The following PADI1 variants were observed in gnomAD, a reference collection of about 807,000 sequenced individuals.
PADI1 encodes the protein protein-arginine deiminase type-1.
A neutral mutation model predicts 74.8 loss-of-function variants in PADI1; 65 were observed. The ratio of observed to expected loss-of-function variants is 0.87; its 90% CI spans 0.71 to 1.07. PADI1 has a LOEUF of 1.07. Ranked by LOEUF, PADI1 falls within the 50% of genes least tolerant of loss-of-function variation. The probability of loss-of-function intolerance (pLI) is 0.00; values close to 1 mark genes in which losing one functional copy is unlikely to be tolerated. For missense variants in PADI1, 943 were observed against 854.0 expected (o/e 1.10, Z -1.30); for synonymous variants, 371 against 336.2 (o/e 1.10, Z -1.13).
rs748411451 is a variant in PADI1, at chr1:17,226,158, G to C, written c.652G>C (p.Gly218Arg). ...AAGAGTGAGGGTCTTCTGTGCCAGG[G>C]GTGAGTGGCCTGATGGGGCCTTTTC... ...SKRVRVFCAR[G>R]GNSLSDYKQV... Residue 218 changes from glycine (G) to arginine (R), a missense_variant and splice_region_variant, in exon 6 of 16, where the codon GGT (glycine) becomes CGT (arginine). Coordinates refer to ENST00000375471, the MANE Select transcript of PADI1 (RefSeq NM_013358.3). The C allele has an allele frequency of 2.5e-6, 4 of 1,614,056 alleles. No homozygotes were observed. The highest frequency in any genetic ancestry group is 1.3e-5 in the African/African-American group (1 of 75,032).
At chr1:17,206,683 CTTTTTTTTTTTT>C (rs796276122) in intron 1 of PADI1, among the ~76,000 whole-genome samples, 1 of 109,764 alleles carries the variant, frequency 9.1e-6, no homozygotes, top group Non-Finnish European at 1.9e-5. Flanking sequence ...TTTTCTTTTT[CTTTTTTTTTTTT>C]TTTTTTTTTG....
intron 11 of PADI1, among the ~76,000 whole-genome samples, chr1:17,236,187 A>G (rs756251111): frequency 4.3e-4 from 65 of 152,204 alleles, no homozygotes; most frequent in Non-Finnish European, 1.9e-4. Context: ...ACATTCCAGC[A>G]GAGAGAAACA....
In PADI1 at chr1:17,230,688, C is replaced by T. The variant is rs112540601; in HGVS notation, c.1161+9C>T. 7.2e-6 allele frequency: 11 copies of T among 1,522,752 alleles called. No individual in the cohort carries two copies. Among genetic ancestry groups the T allele is most frequent in the African/African-American group, 6.8e-5 (5 of 73,190 alleles). The allele number at this position is 1,522,752 out of a possible 1,614,324, so 94.3% of individuals were successfully genotyped here. A position where few individuals can be genotyped will look rare whatever the true frequency, so the allele number is the denominator to read the frequency against. ...CCTATAAGAGGATCCTGGTACGTAG[C>T]GACAGGTAGAGTGCAGAAACCCTGG... On this transcript the variant is annotated intron_variant, in intron 10 of 15. Transcript: ENST00000375471.
chr1:17,225,899 T>A lies in PADI1; in HGVS notation c.497T>A (p.Leu166His). 1 of 1,613,924 alleles carries A rather than the reference T, an allele frequency of 6.2e-7. No individual in the cohort carries two copies. The highest frequency in any genetic ancestry group is 8.5e-7 in the Non-Finnish European group (1 of 1,179,886). ...AATCACAGGTCCGCAGAGCCTGACC[T>A]CACCCACAGCTGGCTGATGTCGCTG... ...RDNHRSAEPD[L>H]THSWLMSLAD... The change falls in exon 5 of 16, where the codon CTC becomes CAC. Residue 166 changes from leucine (L) to histidine (H), a missense_variant. Leu to His is a moderately conservative substitution (Grantham distance 99, BLOSUM62 -3). Coordinates refer to ENST00000375471, the MANE Select transcript of PADI1 (RefSeq NM_013358.3).
At chr1:17,238,871 G>A (rs966487829) in intron 13 of PADI1, among the ~76,000 whole-genome samples, 162 bp downstream of exon 13, 17 of 152,120 alleles carry the variant, frequency 1.1e-4, no homozygotes, top group African/African-American at 3.9e-4. Context: ...GGGAGTTCCT[G>A]GGCCACACCC....
chr1:17,206,414 C>G (rs74058963), intron 1 of PADI1, among the ~76,000 whole-genome samples: 10,545 of 152,078 alleles, frequency 0.069, 1,166 homozygotes, highest in African/African-American at 0.23. Context: ...AAACCAGGAG[C>G]CATGGAAACC....
chr1:17,210,144 TTTTTATTTTATTTTA>T (rs749851324), intron 1 of PADI1, among the ~76,000 whole-genome samples: 1 of 151,990 alleles, frequency 6.6e-6, no homozygotes, highest in Non-Finnish European at 1.5e-5. Flanking sequence ...CCTGCCTAAG[TTTTTATTTTATTTTA>T]TTTTATTTTA....
Position 17,230,104 on chromosome 1 carries a change from T to C in PADI1, c.949T>C (p.Ser317Pro). Residue 317 changes from serine (S) to proline (P), a missense_variant, in exon 9 of 16, where the codon TCC (serine) becomes CCC (proline). Physicochemically the swap from Ser to Pro is moderately conservative, Grantham distance 74. Coordinates refer to ENST00000375471, the MANE Select transcript of PADI1 (RefSeq NM_013358.3). Reference sequence around the variant, plus strand: ...TTACAGAGTGATGGACACTCATGGCTCCAATGAGAAATTCCTGGAGGACAT... The same window carrying C: ...TTACAGAGTGATGGACACTCATGGCCCCAATGAGAAATTCCTGGAGGACAT... Reference protein sequence around the residue: ...YVCRVMDTHGSNEKFLEDMSY... With the variant: ...YVCRVMDTHGPNEKFLEDMSY... The C allele has an allele frequency of 6.2e-7, 1 of 1,613,922 alleles. No homozygotes were observed.
chr1:17,206,687 T>TTCTTTTTC (rs1191605159), intron 1 of PADI1, among the ~76,000 whole-genome samples: 4 of 129,362 alleles, frequency 3.1e-5, no homozygotes, highest in African/African-American at 9.1e-5. Flanking sequence ...CTTTTTCTTT[T>TTCTTTTTC]TTTTTTTTTT....
At chr1:17,215,337 T>G (rs1261477030) in intron 1 of PADI1, among the ~76,000 whole-genome samples, 1 of 152,108 alleles carries the variant, frequency 6.6e-6, no homozygotes, top group African/African-American at 2.4e-5. Flanking sequence ...AGGGTCTTGA[T>G]AGCCCCAGAG....
In PADI1 at chr1:17,240,706, T is replaced by TC. The variant is rs1422027428; in HGVS notation, c.1708dup (p.Gln570ProfsTer19). 1 of 1,614,094 alleles carries TC rather than the reference T, an allele frequency of 6.2e-7. No homozygotes were observed. The highest frequency in any genetic ancestry group is 1.3e-5 in the African/African-American group (1 of 75,040). On this transcript the variant is annotated frameshift_variant, in exon 15 of 16. Coordinates refer to ENST00000375471, the MANE Select transcript of PADI1 (RefSeq NM_013358.3). LOFTEE classifies it high-confidence loss of function. ...TGGCAGAGAGTGACATCGTGGACATTCCCCAGCTCTTCTTCCTGAAAAACT... is the reference window on the plus strand; with the variant it reads ...TGGCAGAGAGTGACATCGTGGACATTCCCCCAGCTCTTCTTCCTGAAAAACT...
At chr1:17,213,572 C>T (rs1198537037) in intron 1 of PADI1, among the ~76,000 whole-genome samples, 1 of 152,226 alleles carries the variant, frequency 6.6e-6, no homozygotes, top group Non-Finnish European at 1.5e-5. Flanking sequence ...AATTCTTTTA[C>T]TCCTGCATTA....
rs773591359 is a variant in PADI1, at chr1:17,244,002, T to A, written c.1759-8T>A. On this transcript the variant is annotated splice_region_variant and splice_polypyrimidine_tract_variant and intron_variant, in intron 15 of 15. Coordinates refer to ENST00000375471, the MANE Select transcript of PADI1 (RefSeq NM_013358.3). ...GACAGCCTCCCTCTTGCCTTTTCTC[T>A]TTTGCAGGTTAACATGGTGGTCTTA... The A allele has an allele frequency of 1.9e-6, 3 of 1,603,216 alleles. No individual in the cohort carries two copies. The African/African-American group carries it at 4.0e-5, about 21-fold the overall frequency.
At chr1:17,229,181 G>A in intron 8 of PADI1, 130 bp downstream of exon 8, 1 of 674,778 alleles carries the variant, frequency 1.5e-6, no homozygotes. Flanking sequence ...CAGAGCTGGT[G>A]GCAGGACAGC....
At chr1:17,209,254 C>A (rs1448161385) in intron 1 of PADI1, among the ~76,000 whole-genome samples, 2 of 152,174 alleles carry the variant, frequency 1.3e-5, no homozygotes, top group Non-Finnish European at 2.9e-5. Flanking sequence ...AGGCTGCCGG[C>A]CCCTGGCTGG....
chr1:17,228,677 C>G lies in PADI1; in HGVS notation c.705C>G (p.Ser235=). 6.2e-7 allele frequency: 1 copy of G among 1,614,156 alleles called. No individual in the cohort carries two copies. The highest frequency in any genetic ancestry group is 8.5e-7 in the Non-Finnish European group (1 of 1,180,010). ...AGGTGCTGGGGCCCCAGTGTCTGTCCTATGAAGTTGAGCGACAGCCAGGGG... is the reference window on the plus strand; with the variant it reads ...AGGTGCTGGGGCCCCAGTGTCTGTCGTATGAAGTTGAGCGACAGCCAGGGG... ...YKQVLGPQCL[S]YEVERQPGEQ... The change falls in exon 7 of 16, where the codon TCC becomes TCG. Residue 235 remains serine (S), a synonymous_variant. Coordinates refer to ENST00000375471, the MANE Select transcript of PADI1 (RefSeq NM_013358.3).
intron 13 of PADI1, 72 bp downstream of exon 13, chr1:17,238,781 C>A (rs1347805986): frequency 1.4e-5 from 10 of 689,920 alleles, no homozygotes; most frequent in African/African-American, 1.1e-4. Context: ...ACAGCCCCTG[C>A]ACCTGCAGAT....
At chr1:17,243,969 T>G in intron 15 of PADI1, 41 bp from the exon 16 acceptor site, 1 of 1,435,678 alleles carries the variant, frequency 7.0e-7, no homozygotes, top group South Asian at 1.2e-5. Flanking sequence ...GCACAGCACT[T>G]ATAGCCAGAC....
intron 14 of PADI1, 167 bp from the exon 15 acceptor site, chr1:17,240,468 G>T: frequency 1.5e-6 from 1 of 681,696 alleles, no homozygotes; most frequent in Non-Finnish European, 2.4e-6. Flanking sequence ...GGTTGCCTGA[G>T]CCTCAGTTTC....
Sources: allele counts gnomAD v4.1 joint callset (sites outside exome capture counted in the v4.1 genomes callset), GRCh38; gene constraint gnomAD v4.1.1; transcripts MANE v1.5; gene names NCBI Gene and HGNC (gene_info 2026-07-23, HGNC 2026-07-21).